The following LPP variants were observed in gnomAD, a reference collection of about 807,000 sequenced individuals.
The protein encoded by LPP is LIM domain containing preferred translocation partner in lipoma, also known as lipoma-preferred partner.
In LPP, 38 loss-of-function variants were observed where a neutral mutation model predicts 60.4. That is an observed-to-expected ratio of 0.63 (90% confidence interval 0.49 to 0.83). The LOEUF is 0.83. Ranked by LOEUF, LPP falls within the 40% of genes least tolerant of loss-of-function variation. The probability of loss-of-function intolerance (pLI) is 0.00; values close to 1 mark genes in which losing one functional copy is unlikely to be tolerated. For missense variants in LPP, 902 were observed against 783.6 expected (o/e 1.15, Z -1.80); for synonymous variants, 328 against 290.8 (o/e 1.13, Z -1.30).
At chr3:188,329,640 T>C (rs1322816262) in intron 2 of LPP, among the ~76,000 whole-genome samples, 4 of 152,146 alleles carry the variant, frequency 2.6e-5, no homozygotes, top group Admixed American at 2.6e-4. Context: ...AATTCCGTTT[T>C]TTAAAAAATG....
At chr3:188,213,615 A>G (rs79829227) in intron 1 of LPP, among the ~76,000 whole-genome samples, 5,718 of 152,216 alleles carry the variant, frequency 0.038, 152 homozygotes, top group South Asian at 0.077. Context: ...TCAGATGCCT[A>G]GATTTGTTGT....
chr3:188,243,599 C>G (rs1213974957), intron 2 of LPP, among the ~76,000 whole-genome samples: 2 of 152,160 alleles, frequency 1.3e-5, no homozygotes, highest in Non-Finnish European at 2.9e-5. Context: ...TTGATGTTAT[C>G]CTTTTGGCAT....
At chr3:188,458,038 A>G (rs555445798) in intron 4 of LPP, among the ~76,000 whole-genome samples, 1 of 152,348 alleles carries the variant, frequency 6.6e-6, no homozygotes, top group East Asian at 1.9e-4. Flanking sequence ...TTGTATTTTT[A>G]GTTCATTTCC....
intron 3 of LPP, among the ~76,000 whole-genome samples, chr3:188,374,118 G>A (rs916381740): frequency 3.9e-5 from 6 of 152,144 alleles, no homozygotes; most frequent in Non-Finnish European, 7.3e-5. Flanking sequence ...TAACCTTGTA[G>A]TATAGTTTGA....
chr3:188,321,229 G>A (rs1481055762), intron 2 of LPP, among the ~76,000 whole-genome samples: 7 of 152,202 alleles, frequency 4.6e-5, no homozygotes, highest in Non-Finnish European at 7.3e-5. Flanking sequence ...AGGTTGAGGC[G>A]AGGTGGGAGA....
At chr3:188,832,769 T>C (rs1239216795) in intron 9 of LPP, among the ~76,000 whole-genome samples, 2 of 152,170 alleles carry the variant, frequency 1.3e-5, no homozygotes, top group African/African-American at 4.8e-5. Flanking sequence ...TACAGAGGCT[T>C]GCATGTTGTC....
In LPP at chr3:188,609,957, C is replaced by T; in HGVS notation, c.1113+113C>T. 9.9e-7 allele frequency: 1 copy of T among 1,005,120 alleles called. No individual in the cohort carries two copies. Among genetic ancestry groups the T allele is most frequent in the African/African-American group, 1.6e-5 (1 of 61,014 alleles). The allele number at this position is 1,005,120 out of a possible 1,614,324, so 62.3% of individuals were successfully genotyped here. On this transcript the variant is annotated intron_variant, in intron 7 of 11. Transcript: ENST00000617246. The surrounding 1 kb of genome is among the most constrained non-coding windows in gnomAD (Gnocchi z 6.9). ...GTGTGTGTTACTTTTATTTCACTGA[C>T]AAATACAATCCCAGGGAAGGATGAG...
intron 2 of LPP, among the ~76,000 whole-genome samples, chr3:188,330,538 A>G (rs1031783692): frequency 2.6e-5 from 4 of 151,936 alleles, no homozygotes; most frequent in African/African-American, 9.7e-5. Flanking sequence ...CCAAAGTATG[A>G]TTTGATTAGA....
At chr3:188,852,954 CCAAACATGGT>C (rs1052338593) in intron 9 of LPP, among the ~76,000 whole-genome samples, 4 of 151,852 alleles carry the variant, frequency 2.6e-5, no homozygotes, top group African/African-American at 9.7e-5. Context: ...ACCAGCCTGG[CCAAACATGGT>C]GAAACCCCAT....
intron 4 of LPP, among the ~76,000 whole-genome samples, chr3:188,429,907 C>T (rs889561826): frequency 1.3e-5 from 2 of 152,320 alleles, no homozygotes; most frequent in South Asian, 2.1e-4. Context: ...CATTTTTCTA[C>T]ACCATGTCAG....
At chr3:188,607,452 A>C (rs1034787347) in intron 6 of LPP, among the ~76,000 whole-genome samples, 1 of 145,142 alleles carries the variant, frequency 6.9e-6, no homozygotes, top group Non-Finnish European at 1.5e-5. Context: ...CGTGCCTTAC[A>C]TCACGGGAGC....
Position 188,581,963 on chromosome 3 carries a change from G to A in LPP, c.430-27198G>A, listed in dbSNP as rs1398972281. On this transcript the variant is annotated intron_variant, in intron 6 of 11. Coordinates refer to ENST00000617246, the MANE Select transcript of LPP (RefSeq NM_001375462.1). ...ACCTTCTTTCGGTAGGCTTTTTTCAGAGTTTCCCTTTTGTACTTGCCCTTA... is the reference window on the plus strand; with the variant it reads ...ACCTTCTTTCGGTAGGCTTTTTTCAAAGTTTCCCTTTTGTACTTGCCCTTA... Among the ~76,000 whole-genome samples the A allele has an allele frequency of 4.9e-5, 3 of 60,732 alleles. No homozygotes were observed. In the Admixed American group the frequency reaches 5.5e-4, roughly 11 times the overall value. The allele number at this position is 60,732 out of a possible 152,430, so 39.8% of individuals were successfully genotyped here.
At chr3:188,791,816 C>T (rs964412249) in intron 9 of LPP, among the ~76,000 whole-genome samples, 1 of 152,186 alleles carries the variant, frequency 6.6e-6, no homozygotes, top group Non-Finnish European at 1.5e-5. Context: ...TGTCTCACTT[C>T]ATAGCACCTG....
chr3:188,382,050 T>G (rs1259279362), intron 3 of LPP, among the ~76,000 whole-genome samples: 2 of 151,776 alleles, frequency 1.3e-5, no homozygotes, highest in East Asian at 3.9e-4. Flanking sequence ...AGCCTCCCAG[T>G]GTGGTGGGAT....
intron 7 of LPP, among the ~76,000 whole-genome samples, chr3:188,632,125 C>T (rs887004622): frequency 1.3e-5 from 2 of 152,170 alleles, no homozygotes; most frequent in Admixed American, 1.3e-4. Flanking sequence ...TTATTCCTTT[C>T]CTTTTTTCCC....
At chr3:188,288,476 TA>T (rs890035401) in intron 2 of LPP, among the ~76,000 whole-genome samples, 1 of 151,792 alleles carries the variant, frequency 6.6e-6, no homozygotes, top group South Asian at 2.1e-4. Flanking sequence ...AGTGGAGGTG[TA>T]AAAACTAGTC....
chr3:188,560,658 G>A (rs116695541), intron 6 of LPP, among the ~76,000 whole-genome samples: 1 of 152,080 alleles, frequency 6.6e-6, no homozygotes. Context: ...GGATATTCAA[G>A]TAATGAAGCC....
intron 1 of LPP, among the ~76,000 whole-genome samples, chr3:188,174,629 G>A (rs569856611): frequency 9.2e-5 from 14 of 152,216 alleles, no homozygotes; most frequent in Admixed American, 7.9e-4. Context: ...TCCTTATCCT[G>A]CCATTTATGG....
rs1016972475 is a variant in LPP, at chr3:188,881,543, C to T, written c.*7064C>T. 9.3e-6 allele frequency: 2 copies of T among 216,134 alleles called. No individual in the cohort carries two copies. Among genetic ancestry groups the T allele is most frequent in the Non-Finnish European group, 1.9e-5 (2 of 107,268 alleles). 13.4% of individuals were successfully genotyped at this position (216,134 alleles called of 1,614,324 possible). On this transcript the variant is annotated 3_prime_UTR_variant, in exon 12 of 12. Transcript: ENST00000617246. ...AATTGGAATCACCCAAAGAGAATTT[C>T]CCCAAAAAACCTCAGACCCAGAAGT...
Sources: allele counts gnomAD v4.1 joint callset (sites outside exome capture counted in the v4.1 genomes callset), GRCh38; gene constraint gnomAD v4.1.1; non-coding constraint Gnocchi (gnomAD v3.1); transcripts MANE v1.5; gene names NCBI Gene and HGNC (gene_info 2026-07-23, HGNC 2026-07-21).